MPP7: variants seen among roughly 807,000 people sequenced by gnomAD.
The protein encoded by MPP7 is MAGUK p55 subfamily member 7.
MPP7 carries 60 observed loss-of-function variants against 76.5 expected under a neutral mutation model. The ratio of observed to expected loss-of-function variants is 0.78; its 90% CI spans 0.64 to 0.97. MPP7 has a LOEUF of 0.97. MPP7 is among the 50% of genes least tolerant of loss of function. The pLI, the probability that MPP7 is intolerant of heterozygous loss-of-function variation, is 0.00. For synonymous variants in MPP7, 237 were observed against 244.5 expected (o/e 0.97, Z 0.29); for missense variants, 641 against 694.0 (o/e 0.92, Z 0.86).
rs1838622886 is a variant in MPP7, at chr10:28,224,483, C to T, written c.37+14085G>A. Among the ~76,000 whole-genome samples, 3 of 152,008 alleles carry T rather than the reference C, an allele frequency of 2.0e-5. No homozygotes were observed. In the South Asian group the frequency reaches 6.2e-4, roughly 32 times the overall value. On this transcript the variant is annotated intron_variant, in intron 2 of 16. Coordinates refer to ENST00000683449, the MANE Select transcript of MPP7 (RefSeq NM_001318170.2). ...AATGTTGTGAGCAATATTAAGCCAA[C>T]AAAGAAAAATTCAGCAGAATCCATT...
chr10:28,230,606 A>AAG (rs1838847989), intron 2 of MPP7, among the ~76,000 whole-genome samples: 1 of 152,030 alleles, frequency 6.6e-6, no homozygotes, highest in Non-Finnish European at 1.5e-5. Context: ...TTGAGGTCAG[A>AAG]AGTTCAAGAC....
At chr10:28,238,107 T>C (rs912230136) in intron 2 of MPP7, among the ~76,000 whole-genome samples, 7 of 152,156 alleles carry the variant, frequency 4.6e-5, no homozygotes, top group African/African-American at 1.7e-4. Flanking sequence ...TTCAGGATAG[T>C]TTTACCTCTG....
intron 2 of MPP7, among the ~76,000 whole-genome samples, chr10:28,228,388 G>A (rs765808028): frequency 2.2e-4 from 34 of 152,176 alleles, no homozygotes; most frequent in Admixed American, 2.6e-4. Context: ...GGTACCAGAA[G>A]TGAGGTTAAC....
intron 1 of MPP7, among the ~76,000 whole-genome samples, chr10:28,254,235 G>A (rs1446805194): frequency 6.6e-6 from 1 of 152,080 alleles, no homozygotes; most frequent in Non-Finnish European, 1.5e-5. Flanking sequence ...TGAAAATCTT[G>A]CTGAATATAA....
At chr10:28,135,785 C>G (rs1835335978) in intron 5 of MPP7, among the ~76,000 whole-genome samples, 1 of 152,108 alleles carries the variant, frequency 6.6e-6, no homozygotes, top group Admixed American at 6.5e-5. Context: ...AAATAAGCCT[C>G]TGAAAGATCA....
At chr10:28,293,520 G>T (rs1589035588) in intron 1 of MPP7, among the ~76,000 whole-genome samples, 1 of 152,186 alleles carries the variant, frequency 6.6e-6, no homozygotes, top group Non-Finnish European at 1.5e-5. Context: ...CCAGAGAGAG[G>T]GTCCCCTGGG....
intron 11 of MPP7, among the ~76,000 whole-genome samples, chr10:28,114,856 T>G (rs1834612411): frequency 6.6e-6 from 1 of 152,206 alleles, no homozygotes; most frequent in African/African-American, 2.4e-5. Flanking sequence ...TGATAGTGTT[T>G]GAGAAGCAAC....
intron 1 of MPP7, among the ~76,000 whole-genome samples, chr10:28,301,972 A>C (rs1841166044): frequency 6.6e-6 from 1 of 152,240 alleles, no homozygotes; most frequent in Admixed American, 6.5e-5. Context: ...TTAATAGCCC[A>C]GGATTTACCT....
intron 12 of MPP7, among the ~76,000 whole-genome samples, chr10:28,080,573 C>T (rs1165547293): frequency 6.6e-6 from 1 of 152,162 alleles, no homozygotes; most frequent in African/African-American, 2.4e-5. Flanking sequence ...CCCATTAGAA[C>T]ATAAATGGCA....
chr10:28,061,684 A>C (rs1391206266), intron 13 of MPP7, among the ~76,000 whole-genome samples: 1 of 152,142 alleles, frequency 6.6e-6, no homozygotes, highest in Non-Finnish European at 1.5e-5. Context: ...CAATTTCAGC[A>C]GCTCAGCAAA....
chr10:28,222,070 C>T (rs1588945572), intron 2 of MPP7, among the ~76,000 whole-genome samples: 1 of 151,986 alleles, frequency 6.6e-6, no homozygotes, highest in South Asian at 2.1e-4. Flanking sequence ...ACAGAAAAGA[C>T]TATTTTAATA....
At chr10:28,186,907 C>T (rs1465501515) in intron 3 of MPP7, among the ~76,000 whole-genome samples, 2 of 152,108 alleles carry the variant, frequency 1.3e-5, no homozygotes, top group Admixed American at 6.5e-5. Flanking sequence ...GAATTCCTAT[C>T]CTCTGGAATT....
At chr10:28,273,616 C>T (rs886292762) in intron 1 of MPP7, among the ~76,000 whole-genome samples, 1 of 152,192 alleles carries the variant, frequency 6.6e-6, no homozygotes, top group Admixed American at 6.5e-5. Flanking sequence ...CATTCAGAGA[C>T]TATAAAAGCA....
At chr10:28,301,699 G>A (rs1841158622) in intron 1 of MPP7, among the ~76,000 whole-genome samples, 1 of 152,162 alleles carries the variant, frequency 6.6e-6, no homozygotes, top group Non-Finnish European at 1.5e-5. Context: ...GCTATGCACA[G>A]CCTGCCTCAG....
At chr10:28,288,796 C>T (rs1840844836) in intron 1 of MPP7, among the ~76,000 whole-genome samples, 1 of 152,102 alleles carries the variant, frequency 6.6e-6, no homozygotes, top group African/African-American at 2.4e-5. Context: ...TTTGAACAAA[C>T]GCTAAAAGTT....
chr10:28,315,757 T>C (rs1834314528), intron 2 of MPP7, among the ~76,000 whole-genome samples: 1 of 152,158 alleles, frequency 6.6e-6, no homozygotes, highest in Non-Finnish European at 1.5e-5. Context: ...TGGCTGCCCA[T>C]AGTGACCTCC....
At chr10:28,170,219 T>C (rs888959588) in intron 3 of MPP7, among the ~76,000 whole-genome samples, 9 of 152,186 alleles carry the variant, frequency 5.9e-5, no homozygotes, top group Non-Finnish European at 4.4e-5. Context: ...TTTATGTATA[T>C]GTTCTGTTTT....
intron 12 of MPP7, among the ~76,000 whole-genome samples, chr10:28,082,092 T>C (rs970213679): frequency 2.0e-5 from 3 of 152,182 alleles, no homozygotes; most frequent in Non-Finnish European, 4.4e-5. Flanking sequence ...ACTTATACTT[T>C]TTCCATCTTC....
chr10:28,105,336 A>G (rs1306505387), intron 11 of MPP7, among the ~76,000 whole-genome samples: 1 of 152,096 alleles, frequency 6.6e-6, no homozygotes, highest in Non-Finnish European at 1.5e-5. Flanking sequence ...GGTTGAAAAT[A>G]TGGATACAAA....
Sources: allele counts gnomAD v4.1 joint callset (sites outside exome capture counted in the v4.1 genomes callset), GRCh38; gene constraint gnomAD v4.1.1; transcripts MANE v1.5; gene names NCBI Gene and HGNC (gene_info 2026-07-23, HGNC 2026-07-21).